The following TTC3 variants were observed in gnomAD, a reference collection of about 807,000 sequenced individuals.
The protein encoded by TTC3 is tetratricopeptide repeat domain 3.
TTC3 carries 180 observed loss-of-function variants against 249.6 expected under a neutral mutation model. The observed-to-expected ratio is 0.72, with a 90% confidence interval of 0.64 to 0.82. The LOEUF (loss-of-function observed/expected upper bound fraction) is 0.82. Among genes scored for constraint, TTC3 ranks in the 40% least tolerant of loss-of-function variants. The pLI, the probability that TTC3 is intolerant of heterozygous loss-of-function variation, is 0.00. For synonymous variants in TTC3, 717 were observed against 805.0 expected (o/e 0.89, Z 1.85); for missense variants, 2,061 against 2,398.4 (o/e 0.86, Z 2.94).
At chr21:37,117,880 A>AT (rs1409897456) in intron 11 of TTC3, among the ~76,000 whole-genome samples, 2 of 150,648 alleles carry the variant, frequency 1.3e-5, no homozygotes, top group African/African-American at 4.9e-5. Context: ...TTTAACAATT[A>AT]TTTTGAGAAC....
At position 37,103,881 on chromosome 21, in the gene TTC3, G is replaced by T. The variant is rs369388249; in HGVS notation, c.846-4511G>T. Among the ~76,000 whole-genome samples, 13 of 152,264 alleles carry T rather than the reference G, an allele frequency of 8.5e-5. No individual in the cohort carries two copies. The East Asian group carries it at 2.5e-3, about 29-fold the overall frequency. ...GGAGGGCCTTGTAGGCTGTGTTAAG[G>T]CTTTTGGCCTTTAAGAGCAATAAGA... On this transcript the variant is annotated intron_variant, in intron 10 of 45. Transcript: ENST00000355666.
chr21:37,127,189 C>T (rs946806182), intron 15 of TTC3, among the ~76,000 whole-genome samples: 1 of 152,148 alleles, frequency 6.6e-6, no homozygotes, highest in Non-Finnish European at 1.5e-5. Flanking sequence ...TAATCCCATT[C>T]ATGAGGGGAC....
intron 20 of TTC3, among the ~76,000 whole-genome samples, chr21:37,141,954 A>G (rs1339480507): frequency 6.6e-6 from 1 of 152,198 alleles, no homozygotes; most frequent in Non-Finnish European, 1.5e-5. Context: ...AACATACACA[A>G]ATCAATAAAT....
exon 15 of TTC3, chr21:37,126,111 G>C (rs1164339752): frequency 6.3e-7 from 1 of 1,585,020 alleles, no homozygotes; most frequent in East Asian, 2.3e-5. Flanking sequence ...GTAGATGATT[G>C]TGACTGTCAT....
rs2085484012 is a variant in TTC3, at chr21:37,201,379, G to A, written c.5944-61G>A. 2.5e-6 allele frequency: 4 copies of A among 1,609,164 alleles called. No homozygotes were observed. In the Admixed American group the frequency reaches 6.7e-5, roughly 27 times the overall value. ...GCCTGCCAAGGAGCCCAGCAGCACA[G>A]GGGAGCTAAGCTTCCTCATGGTCCT... On this transcript the variant is annotated intron_variant, in intron 45 of 45. Transcript: ENST00000355666.
rs142457225 is a variant in TTC3, at chr21:37,173,380, A to G, written c.4617+636A>G. 3.0e-4 allele frequency among the ~76,000 whole-genome samples: 45 copies of G among 152,294 alleles called. No individual in the cohort carries two copies. In the East Asian group the frequency reaches 7.9e-3, roughly 27 times the overall value. The stretch of plus-strand genomic sequence containing the variant: ...GGAGCCTTAGACATACTAGAACTGT[A>G]AAGTCACCCAGAGTATTTTGTTGAG... On this transcript the variant is annotated intron_variant, in intron 35 of 45. Transcript: ENST00000355666.
chr21:37,182,669 A>G (rs2148153639), intron 35 of TTC3, 105 bp from the exon 36 acceptor site: 1 of 1,177,750 alleles, frequency 8.5e-7, no homozygotes, highest in Non-Finnish European at 1.2e-6. Context: ...CACTGAACTT[A>G]GGTCATTGTT....
intron 23 of TTC3, among the ~76,000 whole-genome samples, chr21:37,149,144 T>C (rs960645178): frequency 1.3e-5 from 2 of 152,204 alleles, no homozygotes; most frequent in Non-Finnish European, 2.9e-5. Context: ...GATTTTCTTA[T>C]TACCAAGATA....
At chr21:37,201,689 G>A (rs1451668052) in exon 46 of TTC3, 12 of 1,344,062 alleles carry the variant, frequency 8.9e-6, no homozygotes, top group Middle Eastern at 2.5e-4. Flanking sequence ...GTGTCACAAA[G>A]CTAAATACAT....
intron 10 of TTC3, among the ~76,000 whole-genome samples, chr21:37,104,291 A>G (rs2074830031): frequency 6.6e-6 from 1 of 152,134 alleles, no homozygotes; most frequent in Non-Finnish European, 1.5e-5. Flanking sequence ...CGGACACTGA[A>G]TCGAAGTGCC....
intron 28 of TTC3, chr21:37,159,454 A>G: frequency 4.2e-6 from 2 of 480,662 alleles, no homozygotes; most frequent in Non-Finnish European, 3.7e-6. Context: ...ACTAGCATAG[A>G]TGGTACCTAG....
chr21:37,151,398 CT>C (rs1289069953), intron 25 of TTC3, among the ~76,000 whole-genome samples: 3 of 151,486 alleles, frequency 2.0e-5, no homozygotes, highest in African/African-American at 7.3e-5. Flanking sequence ...TCTTGTTTTT[CT>C]TTCTAAGAAG....
chr21:37,120,417 GAAAT>G (rs1568972996), intron 11 of TTC3, among the ~76,000 whole-genome samples: 1 of 152,170 alleles, frequency 6.6e-6, no homozygotes, highest in African/African-American at 2.4e-5. Flanking sequence ...AAAAGAGAAA[GAAAT>G]AAAGTTCTCT....
rs748395795 is a variant in TTC3 at position 37,095,375 on chromosome 21, G to C, written c.713G>C (p.Gly238Ala). ...GAAGGAGAACTAATGAAAATGAAAG[G>C]AAATGAAGAGTTTTCCAAAGAAAGA... Residue 238 changes from glycine (G) to alanine (A), a missense_variant, in exon 9 of 46, where the codon GGA becomes GCA. By Grantham distance (60) the Gly-to-Ala change is moderately conservative (BLOSUM62 0). Coordinates refer to ENST00000355666, the Ensembl canonical transcript of TTC3. 1.2e-6 allele frequency: 2 copies of C among 1,607,212 alleles called. No individual in the cohort carries two copies. Among genetic ancestry groups the C allele is most frequent in the South Asian group, 1.1e-5 (1 of 89,674 alleles).
chr21:37,148,424 C>A, intron 22 of TTC3, 122 bp from the exon 23 acceptor site: 1 of 478,354 alleles, frequency 2.1e-6, no homozygotes, highest in Non-Finnish European at 3.7e-6. Flanking sequence ...AAGAATGATG[C>A]AACTTTATGC....
At chr21:37,156,611 A>G (rs773494080) in intron 27 of TTC3, 44 bp from the exon 28 acceptor site, 1 of 1,566,926 alleles carries the variant, frequency 6.4e-7, no homozygotes, top group East Asian at 2.2e-5. Flanking sequence ...TTTACAGTAA[A>G]TAATTTCCCT....
intron 45 of TTC3, 54 bp from the exon 46 acceptor site, chr21:37,201,386 T>C: frequency 6.2e-7 from 1 of 1,611,218 alleles, no homozygotes; most frequent in Non-Finnish European, 8.5e-7. Flanking sequence ...ACAGGGGAGC[T>C]AAGCTTCCTC....
intron 25 of TTC3, among the ~76,000 whole-genome samples, chr21:37,151,173 C>G (rs960468618): frequency 1.3e-5 from 2 of 151,986 alleles, no homozygotes; most frequent in Admixed American, 6.5e-5. Context: ...ATAGATTTGG[C>G]ATTTATATAA....
chr21:37,124,895 A>G (rs1197588529), intron 14 of TTC3, among the ~76,000 whole-genome samples, 153 bp downstream of exon 14: 10 of 152,226 alleles, frequency 6.6e-5, no homozygotes, highest in Admixed American at 1.3e-4. Flanking sequence ...TAAATAAATA[A>G]TCTGAGTATC....
Sources: gnomAD v4.1 joint callset for allele counts (sites outside exome capture counted in the v4.1 genomes callset) on GRCh38, gnomAD v4.1.1 for gene constraint, MANE v1.5 for transcripts, NCBI Gene and HGNC (gene_info 2026-07-23, HGNC 2026-07-21) for gene names.